KIRREL3: variants seen among roughly 807,000 people sequenced by gnomAD.
The protein encoded by KIRREL3 is kirre like nephrin family adhesion molecule 3, also known as kin of IRRE-like protein 3.
KIRREL3 carries 36 observed loss-of-function variants against 89.7 expected under a neutral mutation model. The ratio of observed to expected loss-of-function variants is 0.40; its 90% CI spans 0.31 to 0.53. The LOEUF (loss-of-function observed/expected upper bound fraction) is 0.53, where lower values mean the gene tolerates loss of function less well. KIRREL3 is among the 20% of genes least tolerant of loss of function. The pLI, the probability that KIRREL3 is intolerant of heterozygous loss-of-function variation, is 0.49. For missense variants in KIRREL3, 864 were observed against 1,056.6 expected, an observed-to-expected ratio of 0.82 and a Z score of 2.53; for synonymous variants, 445 against 441.4, an observed-to-expected ratio of 1.01 and a Z score of -0.10.
chr11:126,434,324 G>C (rs10893509), intron 13 of KIRREL3, among the ~76,000 whole-genome samples: 33,286 of 152,248 alleles, frequency 0.22, 4,417 homozygotes, highest in East Asian at 0.64. Context: ...AGACACAGGA[G>C]ACACGGAGAC....
In KIRREL3 at chr11:126,611,682, C is replaced by G. The variant is rs1407813226; in HGVS notation, c.56-48770G>C. ...AGATGGCTGCTCTCTGGGCTGCACG[C>G]ACGTTGGGTTCACTGATCGCAGAGT... On this transcript the variant is annotated intron_variant, in intron 1 of 16. Coordinates refer to ENST00000525144, the MANE Select transcript of KIRREL3 (RefSeq NM_032531.4). The surrounding 1 kb of genome is among the most constrained non-coding windows in gnomAD (Gnocchi z 4.7). Among the ~76,000 whole-genome samples, 1 of 152,184 alleles carries G rather than the reference C, an allele frequency of 6.6e-6. No individual in the cohort carries two copies. The highest frequency in any genetic ancestry group is 1.5e-5 in the Non-Finnish European group (1 of 68,032).
At chr11:126,712,650 T>G (rs1317299465) in intron 1 of KIRREL3, among the ~76,000 whole-genome samples, 1 of 152,116 alleles carries the variant, frequency 6.6e-6, no homozygotes, top group Non-Finnish European at 1.5e-5. Flanking sequence ...CCACTCATGG[T>G]GTGAGTCTCA....
At chr11:126,456,308 G>A (rs1387154170) in intron 7 of KIRREL3, 41 bp downstream of exon 7, 5 of 1,379,940 alleles carry the variant, frequency 3.6e-6, no homozygotes, top group Non-Finnish European at 5.0e-6. Flanking sequence ...CGGGGGTGGG[G>A]GCCAGTGGCC....
At chr11:126,448,279 CAAAA>C (rs55787866) in intron 8 of KIRREL3, among the ~76,000 whole-genome samples, 1,705 of 95,356 alleles carry the variant, frequency 0.018, 26 homozygotes, top group African/African-American at 0.054. Flanking sequence ...GAGACTGTCT[CAAAA>C]AAAAAAAAAA....
At chr11:126,973,165 C>G (rs990824907) in intron 1 of KIRREL3, among the ~76,000 whole-genome samples, 2 of 114,512 alleles carry the variant, frequency 1.7e-5, no homozygotes, top group African/African-American at 6.9e-5. Flanking sequence ...GCATGTTAGT[C>G]ACGGGTTTCT....
At chr11:126,738,320 T>G (rs1479332633) in intron 1 of KIRREL3, among the ~76,000 whole-genome samples, 1 of 152,132 alleles carries the variant, frequency 6.6e-6, no homozygotes, top group African/African-American at 2.4e-5. Flanking sequence ...CCTTTTCCTT[T>G]GAGCAGGTGA....
At chr11:126,457,185 A>ATGTGTGTGTGTGTGTGTGTG (rs35883463) in intron 6 of KIRREL3, among the ~76,000 whole-genome samples, 2 of 142,928 alleles carry the variant, frequency 1.4e-5, no homozygotes, top group Non-Finnish European at 3.1e-5. Context: ...AAGAGAGATT[A>ATGTGTGTGTGTGTGTGTGTG]TGTGTGTGTG....
chr11:126,789,032 T>C (rs1950562418), intron 1 of KIRREL3, among the ~76,000 whole-genome samples: 1 of 152,150 alleles, frequency 6.6e-6, no homozygotes, highest in Non-Finnish European at 1.5e-5. Context: ...ATAAATGTCC[T>C]CTGAATAGCT....
chr11:126,650,800 G>A (rs1944878063), intron 1 of KIRREL3, among the ~76,000 whole-genome samples: 2 of 152,006 alleles, frequency 1.3e-5, no homozygotes, highest in African/African-American at 4.8e-5. Context: ...CAACTCTACT[G>A]GTACCAATTT....
At chr11:126,937,850 A>AG (rs1447339253) in intron 1 of KIRREL3, among the ~76,000 whole-genome samples, 23 of 152,256 alleles carry the variant, frequency 1.5e-4, no homozygotes, top group Middle Eastern at 3.4e-3. Flanking sequence ...AGTGAGCAGG[A>AG]ATTGCACCAC....
chr11:126,885,605 C>T (rs1035463862), intron 1 of KIRREL3, among the ~76,000 whole-genome samples: 9 of 152,168 alleles, frequency 5.9e-5, no homozygotes, highest in African/African-American at 1.7e-4. Context: ...TGAGAAATAA[C>T]TGAGAAAAAG....
intron 1 of KIRREL3, among the ~76,000 whole-genome samples, chr11:126,732,004 A>T (rs1305187402): frequency 1.3e-5 from 2 of 152,200 alleles, no homozygotes; most frequent in African/African-American, 4.8e-5. Flanking sequence ...GGGTGAAGGA[A>T]ATCACTGCAG....
chr11:126,878,679 T>C (rs527283921), intron 1 of KIRREL3, among the ~76,000 whole-genome samples: 2 of 152,004 alleles, frequency 1.3e-5, no homozygotes, highest in East Asian at 3.9e-4. Flanking sequence ...TTTGACCTAG[T>C]AATTTGAGGC....
chr11:126,528,637 T>G lies in KIRREL3; in HGVS notation c.134-1950A>C, dbSNP rs866312212. Among the ~76,000 whole-genome samples the G allele has an allele frequency of 5.4e-5, 8 of 149,384 alleles. No individual in the cohort carries two copies. Among genetic ancestry groups the G allele is most frequent in the Admixed American group, 4.7e-4 (7 of 14,920 alleles). On this transcript the variant is annotated intron_variant, in intron 2 of 16. Transcript: ENST00000525144. The surrounding 1 kb of genome is among the most constrained non-coding windows in gnomAD (Gnocchi z 4.6). ...ATTTTAATCAGCTATGTATGGTAGG[T>G]TTTTTTTTTCCTCTCTGTCTCTTCA...
At chr11:126,982,400 T>C (rs560953721) in intron 1 of KIRREL3, among the ~76,000 whole-genome samples, 47 of 152,206 alleles carry the variant, frequency 3.1e-4, no homozygotes, top group Non-Finnish European at 4.6e-4. Context: ...TCTTGATGCA[T>C]CTGGTGGGAA....
intron 1 of KIRREL3, among the ~76,000 whole-genome samples, chr11:126,941,524 G>A (rs925110465): frequency 6.6e-6 from 1 of 152,288 alleles, no homozygotes; most frequent in South Asian, 2.1e-4. Flanking sequence ...AGCCAGCCTC[G>A]CATGGTGCAT....
intron 1 of KIRREL3, among the ~76,000 whole-genome samples, chr11:126,741,164 C>A (rs1188229330): frequency 1.3e-5 from 2 of 152,178 alleles, no homozygotes; most frequent in Admixed American, 6.5e-5. Flanking sequence ...TTGTTAATTT[C>A]TTTGTTTGTG....
At chr11:126,572,852 C>G (rs780250073) in intron 1 of KIRREL3, among the ~76,000 whole-genome samples, 4 of 152,184 alleles carry the variant, frequency 2.6e-5, no homozygotes, top group Non-Finnish European at 5.9e-5. Flanking sequence ...TGAGGATTAA[C>G]TGAAGAGGGT....
chr11:126,885,262 C>T (rs549415068), intron 1 of KIRREL3, among the ~76,000 whole-genome samples: 2 of 152,228 alleles, frequency 1.3e-5, no homozygotes, highest in East Asian at 3.9e-4. Flanking sequence ...AACTGGATCC[C>T]AAAATGGGAA....
Sources: gnomAD v4.1 joint callset for allele counts (sites outside exome capture counted in the v4.1 genomes callset) on GRCh38, gnomAD v4.1.1 for gene constraint, Gnocchi (gnomAD v3.1) non-coding constraint, MANE v1.5 for transcripts, NCBI Gene and HGNC (gene_info 2026-07-23, HGNC 2026-07-21) for gene names.